The following PALM2AKAP2 variants were observed in gnomAD, a reference collection of about 807,000 sequenced individuals.
PALM2AKAP2 encodes PALM2-AKAP2 fusion protein.
PALM2AKAP2 carries 37 observed loss-of-function variants against 71.5 expected under a neutral mutation model. That is an observed-to-expected ratio of 0.52 (90% CI 0.40 to 0.68). The LOEUF is 0.68. Ranked by LOEUF, PALM2AKAP2 falls within the 30% of genes least tolerant of loss-of-function variation. The probability of loss-of-function intolerance (pLI) is 0.00; values close to 1 mark genes in which losing one functional copy is unlikely to be tolerated. For missense variants in PALM2AKAP2, 1,224 were observed against 1,191.8 expected, an observed-to-expected ratio of 1.03 and a Z score of -0.40; for synonymous variants, 468 against 478.8, an observed-to-expected ratio of 0.98 and a Z score of 0.29.
chr9:109,819,673 G>A (rs1476235772), intron 1 of PALM2AKAP2, among the ~76,000 whole-genome samples: 2 of 106,322 alleles, frequency 1.9e-5, no homozygotes, highest in African/African-American at 5.9e-5. Context: ...ACACACACAC[G>A]TAAATAAAGG....
Position 109,771,947 on chromosome 9 carries a change from A to G in PALM2AKAP2, c.6-8541A>G, listed in dbSNP as rs557630048. On this transcript the variant is annotated intron_variant, in intron 1 of 6. Coordinates refer to the PALM2AKAP2 transcript ENST00000374531. ...TTACCGCAGCAGATAAACAACTGGC[A>G]TGACCCTCCAATAGAAAGCAAGATC... 137 of 152,330 alleles carry G rather than the reference A, an allele frequency of 9.0e-4. 1 individual carries two copies. The highest frequency in any genetic ancestry group is 3.2e-3 in the African/African-American group (132 of 41,540). 9.4% of individuals were successfully genotyped at this position (152,330 alleles called of 1,614,324 possible).
At chr9:110,055,647 C>T (rs1833822288) in intron 1 of PALM2AKAP2, among the ~76,000 whole-genome samples, 1 of 152,176 alleles carries the variant, frequency 6.6e-6, no homozygotes, top group African/African-American at 2.4e-5. Flanking sequence ...GAGACACAAA[C>T]ATTCAGACCC....
intron 6 of PALM2AKAP2, among the ~76,000 whole-genome samples, chr9:109,957,118 C>T (rs1214720752): frequency 6.6e-6 from 1 of 152,168 alleles, no homozygotes; most frequent in Non-Finnish European, 1.5e-5. Flanking sequence ...CTTAAACTCT[C>T]CAGTAAGATC....
chr9:110,052,124 G>A (rs1037087745), intron 1 of PALM2AKAP2, among the ~76,000 whole-genome samples: 1 of 152,044 alleles, frequency 6.6e-6, no homozygotes, highest in African/African-American at 2.4e-5. Flanking sequence ...GGATGATCTC[G>A]ATCTCCTGAC....
intron 1 of PALM2AKAP2, among the ~76,000 whole-genome samples, chr9:109,736,009 T>TCTAGTCTAGA (rs1828627637): frequency 6.6e-6 from 1 of 152,166 alleles, no homozygotes; most frequent in Non-Finnish European, 1.5e-5. Flanking sequence ...TATGCTGAGG[T>TCTAGTCTAGA]CATGTCCCAG....
chr9:109,736,650 A>G (rs58065524), intron 1 of PALM2AKAP2, among the ~76,000 whole-genome samples: 46,411 of 151,878 alleles, frequency 0.31, 7,251 homozygotes, highest in Middle Eastern at 0.4. Flanking sequence ...GATTTCTTAA[A>G]TGTATCTATC....
chr9:109,782,684 G>A (rs563754875), intron 1 of PALM2AKAP2, among the ~76,000 whole-genome samples: 1 of 151,986 alleles, frequency 6.6e-6, no homozygotes, highest in African/African-American at 2.4e-5. Context: ...ATTCTCTGAG[G>A]ATACTGAGGG....
intron 1 of PALM2AKAP2, chr9:109,760,361 G>A (rs1329074339): frequency 1.3e-5 from 2 of 152,194 alleles, no homozygotes; most frequent in East Asian, 3.9e-4. Flanking sequence ...AAAGTTTAAT[G>A]TTTATTATAA....
intron 1 of PALM2AKAP2, among the ~76,000 whole-genome samples, chr9:110,084,186 G>A (rs1237842746): frequency 6.6e-6 from 1 of 152,190 alleles, no homozygotes; most frequent in Non-Finnish European, 1.5e-5. Context: ...AGCAAAGGTG[G>A]GGAAATACTG....
chr9:109,986,122 G>T (rs1832373623), intron 6 of PALM2AKAP2, among the ~76,000 whole-genome samples: 1 of 152,230 alleles, frequency 6.6e-6, no homozygotes, highest in South Asian at 2.1e-4. Flanking sequence ...AAGGTGCAAA[G>T]AAAGCTAATA....
At chr9:110,125,665 T>A (rs1333343460) in intron 1 of PALM2AKAP2, 7 of 913,202 alleles carry the variant, frequency 7.7e-6, no homozygotes, top group Admixed American at 1.2e-4. Flanking sequence ...GGGTCTTTTT[T>A]TGAGGCCAGT....
At chr9:109,817,071 A>C (rs1417720589) in intron 1 of PALM2AKAP2, among the ~76,000 whole-genome samples, 2 of 152,242 alleles carry the variant, frequency 1.3e-5, no homozygotes, top group African/African-American at 4.8e-5. Context: ...ATTTTAAGGA[A>C]TAAATCTTAG....
intron 1 of PALM2AKAP2, among the ~76,000 whole-genome samples, chr9:109,690,109 G>A (rs980220497): frequency 6.6e-6 from 1 of 152,086 alleles, no homozygotes; most frequent in Non-Finnish European, 1.5e-5. Flanking sequence ...TGGGTCAGCA[G>A]GGCTGTCCCA....
chr9:109,772,204 A>G (rs1829276256), intron 1 of PALM2AKAP2, among the ~76,000 whole-genome samples: 1 of 152,170 alleles, frequency 6.6e-6, no homozygotes, highest in Non-Finnish European at 1.5e-5. Context: ...TCCTGTGGAA[A>G]CACCTTCCCT....
chr9:109,727,361 T>C (rs987774789), intron 1 of PALM2AKAP2, among the ~76,000 whole-genome samples: 4 of 152,374 alleles, frequency 2.6e-5, no homozygotes, highest in Non-Finnish European at 5.9e-5. Context: ...GATGATTCTA[T>C]GATTCAAGCC....
At chr9:109,730,602 C>T (rs1314905379) in intron 1 of PALM2AKAP2, among the ~76,000 whole-genome samples, 1 of 152,192 alleles carries the variant, frequency 6.6e-6, no homozygotes, top group African/African-American at 2.4e-5. Flanking sequence ...TAGTGTACTT[C>T]TGACAGTTTG....
At chr9:109,722,257 C>T (rs1257354068) in intron 1 of PALM2AKAP2, among the ~76,000 whole-genome samples, 4 of 151,960 alleles carry the variant, frequency 2.6e-5, no homozygotes, top group African/African-American at 7.3e-5. Context: ...AAAATGAAAA[C>T]AGCTAAAATT....
chr9:109,727,537 A>C (rs935325391), intron 1 of PALM2AKAP2, among the ~76,000 whole-genome samples: 1 of 152,228 alleles, frequency 6.6e-6, no homozygotes, highest in Non-Finnish European at 1.5e-5. Flanking sequence ...AGAGCTGAGG[A>C]GTTCTGATGC....
At chr9:109,843,140 C>CAAAAAAAAA (rs60510582) in intron 1 of PALM2AKAP2, among the ~76,000 whole-genome samples, 18 of 62,808 alleles carry the variant, frequency 2.9e-4, no homozygotes, top group Admixed American at 6.7e-4. Flanking sequence ...AACTCGGTCT[C>CAAAAAAAAA]AAAAAAAAAA....
Sources: allele counts gnomAD v4.1 joint callset (sites outside exome capture counted in the v4.1 genomes callset), GRCh38; gene constraint gnomAD v4.1.1; transcripts MANE v1.5; gene names NCBI Gene and HGNC (gene_info 2026-07-23, HGNC 2026-07-21).